PDE4D: variants seen among roughly 807,000 people sequenced by gnomAD.
PDE4D encodes the protein phosphodiesterase 4D.
A neutral mutation model predicts 87.4 loss-of-function variants in PDE4D; 24 were observed. The observed-to-expected ratio is 0.27, with a 90% CI of 0.20 to 0.39. The LOEUF (loss-of-function observed/expected upper bound fraction) is 0.39, where lower values mean the gene tolerates loss of function less well. Among genes scored for constraint, PDE4D ranks in the 10% least tolerant of loss-of-function variants. The pLI, the probability that PDE4D is intolerant of heterozygous loss-of-function variation, is 1.00. For missense variants in PDE4D, 714 were observed against 1,041.0 expected, an observed-to-expected ratio of 0.69 and a Z score of 4.32; for synonymous variants, 384 against 383.2, an observed-to-expected ratio of 1.00 and a Z score of -0.02.
intron 1 of PDE4D, among the ~76,000 whole-genome samples, chr5:60,272,441 C>T (rs1750910034): frequency 6.6e-6 from 1 of 152,182 alleles, no homozygotes; most frequent in South Asian, 2.1e-4. Flanking sequence ...CTGGTGTTTC[C>T]ATCAAAGTTA....
intron 2 of PDE4D, among the ~76,000 whole-genome samples, chr5:60,096,973 A>G (rs1775740342): frequency 6.6e-6 from 1 of 152,104 alleles, no homozygotes; most frequent in Non-Finnish European, 1.5e-5. Context: ...TCTTCATATA[A>G]CAAGGCTCTT....
chr5:59,762,376 GTATATGTGTATATGGGTA>G (rs1762150276), intron 1 of PDE4D, among the ~76,000 whole-genome samples: 1 of 125,038 alleles, frequency 8.0e-6, no homozygotes, highest in African/African-American at 3.2e-5. Flanking sequence ...GTACACATGT[GTATATGTGTATATGGGTA>G]CACATGTGTA....
At chr5:59,224,122 CAAAAAA>C (rs762239197) in intron 1 of PDE4D, among the ~76,000 whole-genome samples, 4 of 21,840 alleles carry the variant, frequency 1.8e-4, no homozygotes, top group South Asian at 1.9e-3. Context: ...CCTGTTTCTA[CAAAAAA>C]AAAAAAAAAA....
At chr5:59,457,790 G>T (rs1482100699) in intron 1 of PDE4D, among the ~76,000 whole-genome samples, 3 of 152,112 alleles carry the variant, frequency 2.0e-5, no homozygotes. Context: ...AGCTACTTTG[G>T]GAGGCTGAGG....
intron 6 of PDE4D, among the ~76,000 whole-genome samples, chr5:59,034,032 T>C (rs956609161): frequency 5.9e-5 from 9 of 152,158 alleles, no homozygotes; most frequent in Non-Finnish European, 1.3e-4. Context: ...TACTTTTCAG[T>C]GAAAGAAAAA....
intron 1 of PDE4D, among the ~76,000 whole-genome samples, chr5:59,769,889 C>G (rs1420379399): frequency 6.6e-6 from 1 of 151,726 alleles, no homozygotes; most frequent in Non-Finnish European, 1.5e-5. Context: ...CCTATGATTA[C>G]TATTAGGTCA....
rs796076276 is a variant in PDE4D, at chr5:60,339,082, C to G, written c.-90+148860G>C. On this transcript the variant is annotated intron_variant, in intron 1 of 16. Transcript: ENST00000502484. ...GCCATAACCTTTGCAGATCAAGGTG[C>G]AACAGCAAAACTGGCATGAATTTCT... Among the ~76,000 whole-genome samples the G allele has an allele frequency of 5.9e-5, 9 of 152,288 alleles. 1 individual carries two copies. Among genetic ancestry groups the G allele is most frequent in the African/African-American group, 2.2e-4 (9 of 41,566 alleles).
At chr5:60,367,408 G>A (rs561153328) in intron 1 of PDE4D, among the ~76,000 whole-genome samples, 97 of 149,208 alleles carry the variant, frequency 6.5e-4, no homozygotes, top group African/African-American at 2.4e-3. Flanking sequence ...CTGAGATCAC[G>A]CCATTGCACT....
Position 59,664,377 on chromosome 5 carries a change from A to T in PDE4D, c.455+228791T>A, listed in dbSNP as rs529111185. Among the ~76,000 whole-genome samples the T allele has an allele frequency of 3.9e-5, 6 of 152,360 alleles. No individual in the cohort carries two copies. The South Asian group carries it at 1.2e-3, about 32-fold the overall frequency. ...TGAATATATTTATTTTGACAAACAC[A>T]AATCAGTTAATATTTTGACAAGTAT... On this transcript the variant is annotated intron_variant, in intron 1 of 14. Transcript: ENST00000340635.
chr5:59,745,803 C>G (rs1759519967), intron 1 of PDE4D, among the ~76,000 whole-genome samples: 1 of 152,094 alleles, frequency 6.6e-6, no homozygotes, highest in African/African-American at 2.4e-5. Context: ...AGGGCGCACT[C>G]CTAAGACACA....
intron 1 of PDE4D, among the ~76,000 whole-genome samples, chr5:60,297,711 C>T (rs1753535338): frequency 6.6e-6 from 1 of 152,140 alleles, no homozygotes; most frequent in African/African-American, 2.4e-5. Context: ...AGTAGGTTGA[C>T]CTCCAAATAA....
intron 1 of PDE4D, among the ~76,000 whole-genome samples, chr5:60,364,233 G>T (rs58663274): frequency 0.09 from 13,754 of 152,076 alleles, 1,082 homozygotes; most frequent in African/African-American, 0.22. Flanking sequence ...CAAACTGAGG[G>T]ATCCTGTTGA....
intron 1 of PDE4D, among the ~76,000 whole-genome samples, chr5:59,325,487 T>G (rs971904093): frequency 6.6e-6 from 1 of 152,182 alleles, no homozygotes; most frequent in Admixed American, 6.6e-5. Context: ...AGTAGTGTAT[T>G]AAACAGTGAC....
intron 2 of PDE4D, among the ~76,000 whole-genome samples, chr5:59,214,077 C>CACAA (rs914634790): frequency 2.9e-4 from 40 of 140,104 alleles, no homozygotes; most frequent in African/African-American, 1.0e-3. Flanking sequence ...CACACACACA[C>CACAA]AACCATTCTA....
At chr5:59,565,607 T>G (rs940958669) in intron 1 of PDE4D, among the ~76,000 whole-genome samples, 1 of 151,078 alleles carries the variant, frequency 6.6e-6, no homozygotes, top group Non-Finnish European at 1.5e-5. Flanking sequence ...CACTGGGAGG[T>G]GTGGGTAGTG....
chr5:60,072,891 G>A (rs547114404), intron 2 of PDE4D, among the ~76,000 whole-genome samples: 3 of 152,146 alleles, frequency 2.0e-5, no homozygotes, highest in South Asian at 2.1e-4. Context: ...TTTGGATACC[G>A]TATCCCTGTA....
At position 59,829,899 on chromosome 5, in the gene PDE4D, A is replaced by G. The variant is rs114903633; in HGVS notation, c.455+63269T>C. Among the ~76,000 whole-genome samples, 789 of 152,086 alleles carry G rather than the reference A, an allele frequency of 5.2e-3. 9 individuals carry two copies. Among genetic ancestry groups the G allele is most frequent in the African/African-American group, 0.018 (750 of 41,524 alleles). The stretch of plus-strand genomic sequence containing the variant: ...CAATTGGAATTCACCTTCTTTCTTT[A>G]AAATACCCTGGAAAGGTAGTTTTTG... On this transcript the variant is annotated intron_variant, in intron 1 of 14. Coordinates refer to ENST00000340635, the MANE Select transcript of PDE4D (RefSeq NM_001104631.2).
At position 59,244,581 on chromosome 5, in the gene PDE4D, C is replaced by CAT. The variant is rs550701068; in HGVS notation, c.456-28615_456-28614dup. Among the ~76,000 whole-genome samples the CAT allele has an allele frequency of 4.5e-3, 660 of 148,060 alleles. 1 individual carries two copies. The highest frequency in any genetic ancestry group is 0.013 in the African/African-American group (534 of 40,116). On this transcript the variant is annotated intron_variant, in intron 1 of 14. Coordinates refer to ENST00000340635, the MANE Select transcript of PDE4D (RefSeq NM_001104631.2). ...ATACGTGTACACACATATGTATACA[C>CAT]ATATATATATACATATATACACATA...
intron 1 of PDE4D, among the ~76,000 whole-genome samples, chr5:60,431,880 G>C (rs1047805287): frequency 1.3e-5 from 2 of 152,216 alleles, no homozygotes; most frequent in Non-Finnish European, 2.9e-5. Flanking sequence ...AGACCAGCCC[G>C]GCCAACACAG....
Sources: gnomAD v4.1 joint callset for allele counts (sites outside exome capture counted in the v4.1 genomes callset) on GRCh38, gnomAD v4.1.1 for gene constraint, MANE v1.5 for transcripts, NCBI Gene and HGNC (gene_info 2026-07-23, HGNC 2026-07-21) for gene names.